The following TMEM245 variants were observed in gnomAD, a reference collection of about 807,000 sequenced individuals.
TMEM245 encodes the protein transmembrane protein 245, also known as protein CG-2.
TMEM245 carries 69 observed loss-of-function variants against 101.2 expected under a neutral mutation model. The observed-to-expected ratio is 0.68, with a 90% confidence interval of 0.56 to 0.83. The LOEUF (loss-of-function observed/expected upper bound fraction) is 0.83. Ranked by LOEUF, TMEM245 falls within the 40% of genes least tolerant of loss-of-function variation. The pLI, the probability that TMEM245 is intolerant of heterozygous loss-of-function variation, is 0.00. For synonymous variants in TMEM245, 537 were observed against 449.8 expected (o/e 1.19, Z -2.45); for missense variants, 1,075 against 1,092.8 (o/e 0.98, Z 0.23).
At chr9:109,059,188 A>C (rs1376338291) in intron 11 of TMEM245, among the ~76,000 whole-genome samples, 2 of 152,176 alleles carry the variant, frequency 1.3e-5, no homozygotes, top group Admixed American at 1.3e-4. Context: ...CAAATCTATG[A>C]TACTCACCTA....
In TMEM245 at chr9:109,108,443, A is replaced by AAT; in HGVS notation, c.697+9_697+10insAT. The AAT allele has an allele frequency of 6.9e-7, 1 of 1,443,830 alleles. No individual in the cohort carries two copies. The highest frequency in any genetic ancestry group is 9.4e-7 in the Non-Finnish European group (1 of 1,069,388). The allele number at this position is 1,443,830 out of a possible 1,614,324, so 89.4% of individuals were successfully genotyped here. The stretch of plus-strand genomic sequence containing the variant: ...CTTAAAAAAAAAAAAAAAAAAAAGA[A>AAT]GGAACCCACCTAAATGAAAAAGCAA... On this transcript the variant is annotated intron_variant, in intron 2 of 17. Coordinates refer to ENST00000374586, the MANE Select transcript of TMEM245 (RefSeq NM_032012.4).
chr9:109,078,445 A>G (rs1337839338), intron 8 of TMEM245, among the ~76,000 whole-genome samples: 1 of 152,240 alleles, frequency 6.6e-6, no homozygotes, highest in East Asian at 1.9e-4. Context: ...GTCTGCTATC[A>G]ACAAATTCAG....
rs148472451 is a variant in TMEM245 at position 109,076,185 on chromosome 9, T to C, written c.1450-2747A>G. Among the ~76,000 whole-genome samples, 1,354 of 152,200 alleles carry C rather than the reference T, an allele frequency of 8.9e-3. 10 individuals carry two copies. Among genetic ancestry groups the C allele is most frequent in the Non-Finnish European group, 0.013 (890 of 68,008 alleles). ...AAGAAAATGTGGCACATATACACCA[T>C]GGAATACTATGCAGCCATAAAAAAA... On this transcript the variant is annotated intron_variant, in intron 8 of 17. Transcript: ENST00000374586.
intron 1 of TMEM245, among the ~76,000 whole-genome samples, chr9:109,112,043 A>G (rs1289352281): frequency 2.0e-5 from 3 of 152,200 alleles, no homozygotes; most frequent in East Asian, 3.8e-4. Flanking sequence ...CGCAGAAGTA[A>G]TATTAGTTCA....
chr9:109,052,011 C>T (rs1411336979), intron 12 of TMEM245, among the ~76,000 whole-genome samples: 1 of 152,162 alleles, frequency 6.6e-6, no homozygotes, highest in African/African-American at 2.4e-5. Context: ...TGATTTGTCA[C>T]CTACACATTC....
At chr9:109,109,241 C>T (rs1390089545) in intron 1 of TMEM245, among the ~76,000 whole-genome samples, 2 of 152,064 alleles carry the variant, frequency 1.3e-5, no homozygotes, top group African/African-American at 4.8e-5. Flanking sequence ...TTCAGTTCTT[C>T]CTACACTAAA....
chr9:109,115,848 A>C (rs1830711524), intron 1 of TMEM245, among the ~76,000 whole-genome samples: 1 of 152,148 alleles, frequency 6.6e-6, no homozygotes, highest in Admixed American at 6.5e-5. Context: ...ACTAAAAATA[A>C]TTAAACACAA....
intron 8 of TMEM245, among the ~76,000 whole-genome samples, chr9:109,073,856 G>GTTTTTT (rs904054098): frequency 1.9e-4 from 23 of 119,858 alleles, no homozygotes; most frequent in Non-Finnish European, 3.0e-4. Context: ...TTTTTTTTTT[G>GTTTTTT]TTTTTTTTTT....
intron 7 of TMEM245, among the ~76,000 whole-genome samples, chr9:109,084,529 T>C (rs968490164): frequency 6.6e-6 from 1 of 152,230 alleles, no homozygotes; most frequent in Non-Finnish European, 1.5e-5. Flanking sequence ...TTAATTCTCC[T>C]TTCCCCCATC....
intron 14 of TMEM245, chr9:109,039,047 A>C (rs1828225331): frequency 1.3e-5 from 2 of 152,232 alleles, no homozygotes; most frequent in Admixed American, 6.5e-5. Context: ...TTGAAAAAGA[A>C]GACGTTAGCG....
intron 14 of TMEM245, among the ~76,000 whole-genome samples, chr9:109,048,933 C>G (rs1828586468): frequency 6.6e-6 from 1 of 152,198 alleles, no homozygotes; most frequent in South Asian, 2.1e-4. Context: ...TTTCCAGTAT[C>G]CAACCTACTC....
intron 3 of TMEM245, among the ~76,000 whole-genome samples, chr9:109,101,096 C>G (rs1191103305): frequency 6.6e-6 from 1 of 152,110 alleles, no homozygotes; most frequent in African/African-American, 2.4e-5. Context: ...GCCTGGGCAA[C>G]AGAGCGAGTC....
rs755968608 is a variant in TMEM245 at position 109,050,680 on chromosome 9, G to A, written c.1867C>T (p.Leu623=). 7 of 1,612,590 alleles carry A rather than the reference G, an allele frequency of 4.3e-6. No individual in the cohort carries two copies. In the East Asian group the frequency reaches 1.3e-4, roughly 31 times the overall value. The part of the protein sequence containing the change: ...IETFLSILES[L]WIVMSRNVSL... ...ACATTCCGGCTCATAACGATCCACA[G>A]AGACTCCAAGATCTGACGAGGAAGG... is the stretch of plus-strand genomic sequence containing the variant. Residue 623 remains leucine, a synonymous_variant, in exon 13 of 18, where the codon CTG becomes TTG. Transcript: ENST00000374586.
intron 17 of TMEM245, among the ~76,000 whole-genome samples, chr9:109,031,566 C>T (rs1033604791): frequency 6.6e-6 from 1 of 152,116 alleles, no homozygotes; most frequent in Admixed American, 6.5e-5. Flanking sequence ...ACAGGCAAAA[C>T]TAATGAAAAG....
In TMEM245 at chr9:109,088,409, A is replaced by G. The variant is rs141802900; in HGVS notation, c.1151-1067T>C. Among the ~76,000 whole-genome samples, 6 of 152,324 alleles carry G rather than the reference A, an allele frequency of 3.9e-5. No homozygotes were observed. In the East Asian group the frequency reaches 1.2e-3, roughly 29 times the overall value. ...CCCAAGATCATGTCAAATTCCTATG[A>G]TGACTAGAAGGTTAAGCTATAACTA... On this transcript the variant is annotated intron_variant, in intron 5 of 17. Transcript: ENST00000374586.
At chr9:109,050,136 T>C in intron 14 of TMEM245, 147 bp downstream of exon 14, 1 of 919,464 alleles carries the variant, frequency 1.1e-6, no homozygotes, top group South Asian at 1.8e-5. Flanking sequence ...ATATTTATCC[T>C]GTCAAAATGA....
rs1264168789 is a variant in TMEM245 at position 109,108,558 on chromosome 9, C to T, written c.592G>A (p.Val198Met). 1.9e-6 allele frequency: 3 copies of T among 1,602,096 alleles called. No homozygotes were observed. Among genetic ancestry groups the T allele is most frequent in the East Asian group, 2.2e-5 (1 of 44,712 alleles). Residue 198 changes from valine (V) to methionine (M), a missense_variant, in exon 2 of 18, where the codon GTG (valine) becomes ATG (methionine). Physicochemically the swap from Val to Met is conservative, Grantham distance 21 (BLOSUM62 1). Transcript: ENST00000374586. The stretch of plus-strand genomic sequence containing the variant: ...GAAACAGTCAACACATAGCCAACCA[C>T]CAACGTCCAGATCTTAAATAAATGA... ...YFSSLWIWTL[V>M]VGYVLTVSFK... is the part of the protein sequence containing the mutation.
intron 9 of TMEM245, among the ~76,000 whole-genome samples, chr9:109,067,015 C>T (rs1829190764): frequency 6.8e-6 from 1 of 146,730 alleles, no homozygotes. Context: ...GAGATCATGC[C>T]ATTGCATTCC....
chr9:109,106,088 G>A (rs1044254067), intron 3 of TMEM245, among the ~76,000 whole-genome samples: 2 of 152,022 alleles, frequency 1.3e-5, no homozygotes, highest in Non-Finnish European at 2.9e-5. Flanking sequence ...CCATTTTTAC[G>A]TGATTACTGC....
Sources: gnomAD v4.1 joint callset for allele counts (sites outside exome capture counted in the v4.1 genomes callset) on GRCh38, gnomAD v4.1.1 for gene constraint, MANE v1.5 for transcripts, NCBI Gene and HGNC (gene_info 2026-07-23, HGNC 2026-07-21) for gene names.